RSBN1: variants seen among roughly 807,000 people sequenced by gnomAD.
The protein encoded by RSBN1 is lysine-specific demethylase 9.
RSBN1 carries 23 observed loss-of-function variants against 74.8 expected under a neutral mutation model. The observed-to-expected ratio is 0.31, with a 90% CI of 0.22 to 0.44. The LOEUF is 0.44. Among genes scored for constraint, RSBN1 ranks in the 20% least tolerant of loss-of-function variants. The pLI, the probability that RSBN1 is intolerant of heterozygous loss-of-function variation, is 1.00. For synonymous variants in RSBN1, 407 were observed against 379.6 expected, an observed-to-expected ratio of 1.07 and a Z score of -0.84; for missense variants, 808 against 1,020.9, an observed-to-expected ratio of 0.79 and a Z score of 2.84.
chr1:113,797,663 A>G lies in RSBN1; in HGVS notation c.1077T>C (p.Phe359=). The change falls in exon 2 of 7, where the codon TTT becomes TTC. Residue 359 remains phenylalanine, a synonymous_variant. Coordinates refer to ENST00000261441, the MANE Select transcript of RSBN1 (RefSeq NM_018364.5). The part of the protein sequence containing the change: ...FLKTGTKFSN[F]IHEEHQSNGG... ...CATTGGACTGGTGTTCCTCATGAATAAAGTTGCTAAATTTAGTACCTGTTT... is the reference window on the plus strand; with the variant it reads ...CATTGGACTGGTGTTCCTCATGAATGAAGTTGCTAAATTTAGTACCTGTTT... The G allele has an allele frequency of 3.1e-6, 5 of 1,614,118 alleles. No homozygotes were observed. The highest frequency in any genetic ancestry group is 4.2e-6 in the Non-Finnish European group (5 of 1,179,992).
Position 113,772,425 on chromosome 1 carries a change from A to T in RSBN1, c.1659-4036T>A, listed in dbSNP as rs1197314906. Among the ~76,000 whole-genome samples the T allele has an allele frequency of 3.3e-5, 5 of 152,146 alleles. No individual in the cohort carries two copies. The South Asian group carries it at 8.3e-4, about 25-fold the overall frequency. Reference sequence around the variant, plus strand: ...AAAAAAACCCTGCCAAAGCCTTTTTAAAAAAGTATTATAAACAAATGGGTT... The same window carrying T: ...AAAAAAACCCTGCCAAAGCCTTTTTTAAAAAGTATTATAAACAAATGGGTT... On this transcript the variant is annotated intron_variant, in intron 4 of 6. Transcript: ENST00000261441.
At chr1:113,804,138 T>C (rs1321725751) in intron 1 of RSBN1, among the ~76,000 whole-genome samples, 4 of 151,886 alleles carry the variant, frequency 2.6e-5, no homozygotes, top group Admixed American at 6.6e-5. Context: ...AAAAAGTTAT[T>C]AATTCTAGAG....
chr1:113,780,151 T>C (rs759549447), intron 2 of RSBN1, among the ~76,000 whole-genome samples: 2 of 152,210 alleles, frequency 1.3e-5, no homozygotes, highest in Non-Finnish European at 2.9e-5. Flanking sequence ...TAAAGACCTA[T>C]CATGATCTTT....
rs544060537 is a variant in RSBN1 at position 113,812,447 on chromosome 1, G to A, written c.-35C>T. On this transcript the variant is annotated 5_prime_UTR_variant, in exon 1 of 7. Coordinates refer to ENST00000261441, the MANE Select transcript of RSBN1 (RefSeq NM_018364.5). ...GGCCGTTCCCAGCTTTTCTCCGCAG[G>A]CCTCTCCAACCGAGCTTCTATTGTA... 1.5e-5 allele frequency: 24 copies of A among 1,548,922 alleles called. 1 individual carries two copies. Among genetic ancestry groups the A allele is most frequent in the Middle Eastern group, 1.8e-4 (1 of 5,556 alleles).
Position 113,812,102 on chromosome 1 carries a change from C to G in RSBN1, c.311G>C (p.Ser104Thr). 6.3e-7 allele frequency: 1 copy of G among 1,598,230 alleles called. No individual in the cohort carries two copies. The highest frequency in any genetic ancestry group is 8.5e-7 in the Non-Finnish European group (1 of 1,173,442). Reference sequence around the variant, plus strand: ...AGGGGGAGCGAGAGGGGGCTCCTGGCTCGGCCGCCCCCGCTTCTCCTGAGA... The same window carrying G: ...AGGGGGAGCGAGAGGGGGCTCCTGGGTCGGCCGCCCCCGCTTCTCCTGAGA... The part of the protein sequence containing the change: ...GGSQEKRGRP[S>T]QEPPLAPPHR... Residue 104 changes from serine (S) to threonine (T), a missense_variant, in exon 1 of 7, where the codon AGC (serine) becomes ACC (threonine). Ser to Thr is a moderately conservative substitution (Grantham distance 58). Coordinates refer to ENST00000261441, the MANE Select transcript of RSBN1 (RefSeq NM_018364.5).
chr1:113,796,570 T>C (rs1660477109), intron 2 of RSBN1, among the ~76,000 whole-genome samples: 1 of 151,976 alleles, frequency 6.6e-6, no homozygotes, highest in Admixed American at 6.6e-5. Context: ...ACAGAACATA[T>C]AATCATAAAA....
intron 1 of RSBN1, 115 bp downstream of exon 1, chr1:113,811,595 A>G: frequency 7.0e-7 from 1 of 1,429,898 alleles, no homozygotes; most frequent in Non-Finnish European, 9.2e-7. Flanking sequence ...GTGAGCTTAG[A>G]GAAGTACAGC....
At chr1:113,796,636 C>T (rs1283787102) in intron 2 of RSBN1, among the ~76,000 whole-genome samples, 5 of 152,018 alleles carry the variant, frequency 3.3e-5, no homozygotes, top group African/African-American at 7.2e-5. Context: ...ACTGCAGAAA[C>T]TTATAGCTGA....
At chr1:113,809,397 A>G (rs1400367515) in intron 1 of RSBN1, among the ~76,000 whole-genome samples, 1 of 152,256 alleles carries the variant, frequency 6.6e-6, no homozygotes, top group Middle Eastern at 3.2e-3. Context: ...ACTCAGATTA[A>G]TACCAGAGGC....
At chr1:113,787,956 C>G (rs80022393) in intron 2 of RSBN1, among the ~76,000 whole-genome samples, 2 of 150,986 alleles carry the variant, frequency 1.3e-5, no homozygotes, top group African/African-American at 2.4e-5. Context: ...AACCAGAAGA[C>G]TAAAATAAAA....
intron 1 of RSBN1, among the ~76,000 whole-genome samples, chr1:113,806,855 A>C (rs1298642181): frequency 6.6e-6 from 1 of 150,822 alleles, no homozygotes; most frequent in Non-Finnish European, 1.5e-5. Flanking sequence ...AAAAAAAAAA[A>C]AAAAAACATT....
chr1:113,811,891 C>G lies in RSBN1; in HGVS notation c.522G>C (p.Ser174=), dbSNP rs775618236. Reference sequence around the variant, plus strand: ...GCCCGGCCGCGCTCACCGTCAGAGGCGAGAAGGTGAAGAGGGCCGAGGTGC... The same window carrying G: ...GCCCGGCCGCGCTCACCGTCAGAGGGGAGAAGGTGAAGAGGGCCGAGGTGC... The part of the protein sequence containing the change: ...APSTSALFTF[S]PLTVSAAGPK... The change falls in exon 1 of 7, where the codon TCG becomes TCC. Residue 174 remains serine, a synonymous_variant. Transcript: ENST00000261441. The G allele has an allele frequency of 1.9e-6, 3 of 1,612,198 alleles. No individual in the cohort carries two copies. The highest frequency in any genetic ancestry group is 1.1e-5 in the South Asian group (1 of 90,952).
intron 2 of RSBN1, among the ~76,000 whole-genome samples, chr1:113,784,107 ATCAAAAGTATT>A (rs1660193506): frequency 6.6e-6 from 1 of 152,218 alleles, no homozygotes; most frequent in Admixed American, 6.5e-5. Context: ...AATGCAAGAA[ATCAAAAGTATT>A]TCAAAAGTAT....
In RSBN1 at chr1:113,811,839, G is replaced by A; in HGVS notation, c.574C>T (p.His192Tyr). 1 of 1,613,780 alleles carries A rather than the reference G, an allele frequency of 6.2e-7. No homozygotes were observed. The highest frequency in any genetic ancestry group is 2.2e-5 in the East Asian group (1 of 44,826). Residue 192 changes from histidine to tyrosine, a missense_variant, in exon 1 of 7, where the codon CAC (histidine) becomes TAC (tyrosine). This residue lies in a region of RSBN1 where 464 missense variants were observed against 401.0 expected (regional missense o/e 1.16). Coordinates refer to ENST00000261441, the MANE Select transcript of RSBN1 (RefSeq NM_018364.5). ...GPKHKGHKERHKHHHHRGPDG... is the reference protein window; with the variant it reads ...GPKHKGHKERYKHHHHRGPDG... ...GGGCCGCGGTGGTGATGGTGCTTGT[G>A]CCGCTCCTTGTGGCCCTTATGCTTG...
intron 2 of RSBN1, among the ~76,000 whole-genome samples, chr1:113,787,605 C>A (rs1347265611): frequency 6.6e-6 from 1 of 152,090 alleles, no homozygotes; most frequent in Non-Finnish European, 1.5e-5. Context: ...GGATACAAGG[C>A]ACAAGCAAGG....
intron 1 of RSBN1, among the ~76,000 whole-genome samples, chr1:113,810,469 G>A (rs1408653310): frequency 3.3e-5 from 5 of 152,004 alleles, no homozygotes; most frequent in African/African-American, 1.2e-4. Flanking sequence ...CAAGATCATT[G>A]CATATTGGTG....
At chr1:113,777,053 T>G (rs2101798447) in intron 4 of RSBN1, among the ~76,000 whole-genome samples, 157 bp downstream of exon 4, 1 of 152,274 alleles carries the variant, frequency 6.6e-6, no homozygotes, top group South Asian at 2.1e-4. Context: ...AATGCCTCAC[T>G]GTGATAACTG....
At chr1:113,785,704 C>T (rs149498378) in intron 2 of RSBN1, among the ~76,000 whole-genome samples, 24 of 152,230 alleles carry the variant, frequency 1.6e-4, no homozygotes, top group Admixed American at 4.6e-4. Context: ...GATCCTGATC[C>T]GGGGAATAAA....
intron 2 of RSBN1, among the ~76,000 whole-genome samples, chr1:113,795,417 A>G (rs1660451995): frequency 6.6e-6 from 1 of 152,250 alleles, no homozygotes; most frequent in Non-Finnish European, 1.5e-5. Context: ...TGCGAAATCA[A>G]TTTGAACTAC....
Sources: gnomAD v4.1 joint callset for allele counts (sites outside exome capture counted in the v4.1 genomes callset) on GRCh38, gnomAD v4.1.1 for gene constraint, gnomAD v4.1.1 regional missense constraint, MANE v1.5 for transcripts, NCBI Gene and HGNC (gene_info 2026-07-23, HGNC 2026-07-21) for gene names.